FAM217A: variants seen among roughly 807,000 people sequenced by gnomAD.
The protein encoded by FAM217A is protein FAM217A.
A neutral mutation model predicts 18.5 loss-of-function variants in FAM217A; 13 were observed. That is an observed-to-expected ratio of 0.70 (90% CI 0.46 to 1.12). The LOEUF is 1.12. Among genes scored for constraint, FAM217A ranks in the 50% most tolerant of loss-of-function variants. FAM217A has a pLI of 0.00. For synonymous variants in FAM217A, 161 were observed against 202.8 expected (o/e 0.79, Z 1.75); for missense variants, 560 against 575.4 (o/e 0.97, Z 0.27).
intron 4 of FAM217A, among the ~76,000 whole-genome samples, chr6:4,073,958 T>C (rs1458276130): frequency 6.6e-6 from 1 of 152,144 alleles, no homozygotes; most frequent in African/African-American, 2.4e-5. Context: ...GCGATTCTCC[T>C]GCTGAGCTCA....
chr6:4,074,423 A>C lies in FAM217A; in HGVS notation c.159+20T>G, dbSNP rs1581882610. On this transcript the variant is annotated intron_variant, in intron 4 of 6. Coordinates refer to ENST00000274673, the MANE Select transcript of FAM217A (RefSeq NM_173563.3). Reference sequence around the variant, plus strand: ...ATCGTATGTTTTATGAATACCTTAAAACCAAACATTCATCCTTACCTTGTT... The same window carrying C: ...ATCGTATGTTTTATGAATACCTTAACACCAAACATTCATCCTTACCTTGTT... The C allele has an allele frequency of 6.4e-7, 1 of 1,565,360 alleles. No homozygotes were observed. Among genetic ancestry groups the C allele is most frequent in the East Asian group, 2.2e-5 (1 of 44,486 alleles).
At position 4,078,877 on chromosome 6, in the gene FAM217A, C is replaced by G; in HGVS notation, c.-60G>C. ...CGCGCGAAGGCCCACGTGTCCTCCC[C>G]GGCGTGCTCTCCCGGTGCGCCGCCC... On this transcript the variant is annotated 5_prime_UTR_variant, in exon 1 of 7. Coordinates refer to ENST00000274673, the MANE Select transcript of FAM217A (RefSeq NM_173563.3). The G allele has an allele frequency of 3.6e-6, 2 of 551,500 alleles. No individual in the cohort carries two copies. Among genetic ancestry groups the G allele is most frequent in the Non-Finnish European group, 6.5e-6 (2 of 306,292 alleles). 34.2% of individuals were successfully genotyped at this position (551,500 alleles called of 1,614,324 possible). A position where few individuals can be genotyped will look rare whatever the true frequency, so the allele number is the denominator to read the frequency against.
Position 4,068,793 on chromosome 6 carries a change from A to G in FAM217A, c.1430T>C (p.Ile477Thr), listed in dbSNP as rs766010596. 4.3e-6 allele frequency: 7 copies of G among 1,613,978 alleles called. No individual in the cohort carries two copies. Among genetic ancestry groups the G allele is most frequent in the African/African-American group, 1.3e-5 (1 of 74,902 alleles). Reference sequence around the variant, plus strand: ...AATAGAGAATGGTCTATTCAACACTATATTTTGTCGGTAAAGTTTCTTTTT... The same window carrying G: ...AATAGAGAATGGTCTATTCAACACTGTATTTTGTCGGTAAAGTTTCTTTTT... ...GTKKKLYRQN[I>T]VLNRPFSIQK... is the part of the protein sequence containing the mutation. Residue 477 changes from isoleucine (I) to threonine (T), a missense_variant, in exon 7 of 7, where the codon ATA becomes ACA. Coordinates refer to ENST00000274673, the MANE Select transcript of FAM217A (RefSeq NM_173563.3).
chr6:4,077,512 TGA>T (rs1203325263), intron 1 of FAM217A, 64 bp from the exon 2 acceptor site: 37 of 1,317,578 alleles, frequency 2.8e-5, no homozygotes, highest in Non-Finnish European at 3.9e-5. Context: ...AAAGAAAGTG[TGA>T]GTTTTGATTT....
chr6:4,070,064 A>C, intron 6 of FAM217A, 144 bp from the exon 7 acceptor site: 2 of 569,694 alleles, frequency 3.5e-6, no homozygotes, highest in East Asian at 6.1e-5. Flanking sequence ...CTGCAACAGA[A>C]ATATGTTAGT....
chr6:4,078,391 C>T (rs1770004959), intron 1 of FAM217A, among the ~76,000 whole-genome samples: 1 of 152,166 alleles, frequency 6.6e-6, no homozygotes, highest in African/African-American at 2.4e-5. Context: ...ATCGGTCTAT[C>T]TGCTAATCGT....
At chr6:4,078,178 C>T (rs568524467) in intron 1 of FAM217A, among the ~76,000 whole-genome samples, 1 of 151,804 alleles carries the variant, frequency 6.6e-6, no homozygotes, top group South Asian at 2.1e-4. Flanking sequence ...CTCAGCCTCC[C>T]GAGCAGCTGG....
chr6:4,069,932 A>T lies in FAM217A; in HGVS notation c.303-12T>A. ...ATTTTTTGAATTCCCTTTAAAAAAT[A>T]ATTTAATTAATGAATGGTTTATTGA... On this transcript the variant is annotated splice_polypyrimidine_tract_variant and intron_variant, in intron 6 of 6. Coordinates refer to ENST00000274673, the MANE Select transcript of FAM217A (RefSeq NM_173563.3). The T allele has an allele frequency of 6.7e-7, 1 of 1,490,666 alleles. No homozygotes were observed. The highest frequency in any genetic ancestry group is 9.1e-7 in the Non-Finnish European group (1 of 1,097,236). 92.3% of individuals were successfully genotyped at this position (1,490,666 alleles called of 1,614,324 possible). A position where few individuals can be genotyped will look rare whatever the true frequency, so the allele number is the denominator to read the frequency against.
intron 1 of FAM217A, chr6:4,086,931 C>T (rs752442169): frequency 2.0e-5 from 8 of 398,768 alleles, no homozygotes; most frequent in Admixed American, 4.4e-5. Flanking sequence ...GGGAAGGCTC[C>T]GGTTGAGCAT....
upstream of FAM217A, among the ~76,000 whole-genome samples, chr6:4,080,434 C>A (rs1331175441): frequency 6.6e-6 from 1 of 152,244 alleles, no homozygotes; most frequent in Non-Finnish European, 1.5e-5. Flanking sequence ...TAGTTCATTT[C>A]TGTATCCCCA....
At position 4,069,887 on chromosome 6, in the gene FAM217A, A is replaced by T. The variant is rs772983553; in HGVS notation, c.336T>A (p.Phe112Leu). 6.3e-7 allele frequency: 1 copy of T among 1,588,046 alleles called. No individual in the cohort carries two copies. The highest frequency in any genetic ancestry group is 2.2e-5 in the East Asian group (1 of 44,610). Residue 112 changes from phenylalanine (F) to leucine (L), a missense_variant, in exon 7 of 7, where the codon TTT (phenylalanine) becomes TTA (leucine). Coordinates refer to ENST00000274673, the MANE Select transcript of FAM217A (RefSeq NM_173563.3). ...CCCTTATAGGATGATTGATTACATT[A>T]AAGCCAGTTTCCACTGAAGATTTTT... ...EFKKSSVETG[F>L]NVINHPIRVF...
intron 1 of FAM217A, 39 bp downstream of exon 1, chr6:4,078,813 G>A: frequency 2.3e-6 from 1 of 441,890 alleles, no homozygotes; most frequent in African/African-American, 2.0e-5. Flanking sequence ...TAGCAGGAGG[G>A]GGCTGCGGGA....
upstream of FAM217A, among the ~76,000 whole-genome samples, chr6:4,083,869 G>C (rs1016475839): frequency 6.6e-6 from 1 of 152,026 alleles, no homozygotes; most frequent in Non-Finnish European, 1.5e-5. Flanking sequence ...GCAGAATCTT[G>C]TTCAATATAA....
At chr6:4,083,608 A>G (rs1349501350), upstream of FAM217A, among the ~76,000 whole-genome samples, 1 of 146,982 alleles carries the variant, frequency 6.8e-6, no homozygotes, top group Non-Finnish European at 1.5e-5. Flanking sequence ...GTGGAGTGCA[A>G]TGGCACATTC....
chr6:4,084,747 TG>T lies in FAM217A; in HGVS notation c.81del (p.Ser28AlafsTer27). The T allele has an allele frequency of 1.4e-6, 1 of 703,008 alleles. No individual in the cohort carries two copies. Among genetic ancestry groups the T allele is most frequent in the Non-Finnish European group, 2.6e-6 (1 of 385,004 alleles). 43.5% of individuals were successfully genotyped at this position (703,008 alleles called of 1,614,324 possible). ...AACACCTTGCCTTCTGGAAGCCAGC[TG>T]ATCTTGTCACACCCACCATGGCGAG... On this transcript the variant is annotated frameshift_variant, in exon 2 of 9. Coordinates refer to the FAM217A transcript ENST00000639338. LOFTEE classifies it high-confidence loss of function.
At position 4,073,478 on chromosome 6, in the gene FAM217A, C is replaced by G. The variant is rs1173644717; in HGVS notation, c.189G>C (p.Leu63=). The change falls in exon 5 of 7, where the codon CTG becomes CTC. Residue 63 remains leucine, a synonymous_variant. Coordinates refer to ENST00000274673, the MANE Select transcript of FAM217A (RefSeq NM_173563.3). ...GCACCGACAAATTAGGTTCTAGCAT[C>G]AGTTGCTCCACTGGAATTTCCAAAT... ...KNYLEIPVEQ[L]MLEPNLSVHS... The G allele has an allele frequency of 2.5e-6, 4 of 1,613,508 alleles. No homozygotes were observed. The highest frequency in any genetic ancestry group is 3.4e-6 in the Non-Finnish European group (4 of 1,179,764).
At chr6:4,086,163 A>C (rs535272411) in intron 1 of FAM217A, among the ~76,000 whole-genome samples, 116 of 151,428 alleles carry the variant, frequency 7.7e-4, no homozygotes, top group Admixed American at 2.3e-3. Context: ...GAAAAGAAAG[A>C]AAGCTAGGCG....
chr6:4,082,093 A>G (rs1460658007), upstream of FAM217A, among the ~76,000 whole-genome samples: 1 of 152,188 alleles, frequency 6.6e-6, no homozygotes, highest in Non-Finnish European at 1.5e-5. Flanking sequence ...ATCAGCATCA[A>G]AATCATGGCT....
chr6:4,074,775 T>C, intron 2 of FAM217A, 114 bp from the exon 3 acceptor site: 2 of 715,348 alleles, frequency 2.8e-6, no homozygotes, highest in South Asian at 3.7e-5. Flanking sequence ...TTCATGACTC[T>C]CACCCCTCAT....
Sources: allele counts gnomAD v4.1 joint callset (sites outside exome capture counted in the v4.1 genomes callset), GRCh38; gene constraint gnomAD v4.1.1; transcripts MANE v1.5; gene names NCBI Gene and HGNC (gene_info 2026-07-23, HGNC 2026-07-21).